ABCA7: variants seen among roughly 807,000 people sequenced by gnomAD.
The protein encoded by ABCA7 is phospholipid-transporting ATPase ABCA7.
A neutral mutation model predicts 227.6 loss-of-function variants in ABCA7; 261 were observed. That is an observed-to-expected ratio of 1.15 (90% CI 1.04 to 1.27). The LOEUF (loss-of-function observed/expected upper bound fraction) is 1.27, where lower values mean the gene tolerates loss of function less well. Among genes scored for constraint, ABCA7 ranks in the 50% most tolerant of loss-of-function variants. The probability of loss-of-function intolerance (pLI) is 0.00; values close to 1 mark genes in which losing one functional copy is unlikely to be tolerated. For synonymous variants in ABCA7, 1,488 were observed against 1,279.7 expected (o/e 1.16, Z -3.47); for missense variants, 3,331 against 2,924.5 (o/e 1.14, Z -3.21).
Position 1,056,313 on chromosome 19 carries a change from C to A in ABCA7, c.4417-17C>A, listed in dbSNP as rs377415053. Reference sequence around the variant, plus strand: ...CAACCCCATTGCTCTGACCCTATGACCTTGACCCCCACCCAGATCTGGTTC... The same window carrying A: ...CAACCCCATTGCTCTGACCCTATGAACTTGACCCCCACCCAGATCTGGTTC... On this transcript the variant is annotated splice_polypyrimidine_tract_variant and intron_variant, in intron 32 of 46. Transcript: ENST00000263094. The surrounding 1 kb of genome is among the most constrained non-coding windows in gnomAD (Gnocchi z 4.3). The A allele has an allele frequency of 1.4e-5, 23 of 1,610,956 alleles. No homozygotes were observed. In the African/African-American group the frequency reaches 2.7e-4, roughly 19 times the overall value.
chr19:1,045,280 A>G (rs769320393), intron 12 of ABCA7, 49 bp downstream of exon 12: 6 of 1,504,646 alleles, frequency 4.0e-6, no homozygotes, highest in South Asian at 3.6e-5. Flanking sequence ...CGGGGCCAAG[A>G]GCGTGGTGGG....
At position 1,047,224 on chromosome 19, in the gene ABCA7, C is replaced by T; in HGVS notation, c.1913C>T (p.Ala638Val). The change falls in exon 15 of 47, where the codon GCC becomes GTC. Residue 638 changes from alanine to valine, a missense_variant. Coordinates refer to ENST00000263094, the MANE Select transcript of ABCA7 (RefSeq NM_019112.4). The part of the protein sequence containing the change: ...VFLFLAAFAV[A>V]TVTQSFLLSA... ...CTGTTCTTGGCAGCCTTCGCGGTGG[C>T]CACGGTGACCCAGAGCTTCCTGCTC... is the stretch of plus-strand genomic sequence containing the variant. 6.2e-7 allele frequency: 1 copy of T among 1,608,492 alleles called. No homozygotes were observed. The highest frequency in any genetic ancestry group is 8.5e-7 in the Non-Finnish European group (1 of 1,179,388).
chr19:1,056,025 C>G lies in ABCA7; in HGVS notation c.4239-41C>G. ...CCCCCTGGGAGCTCTCCCGGCCCCCCCGGCCCTCAGCTCCCCTTCCCTGCC... is the reference window on the plus strand; with the variant it reads ...CCCCCTGGGAGCTCTCCCGGCCCCCGCGGCCCTCAGCTCCCCTTCCCTGCC... On this transcript the variant is annotated intron_variant, in intron 31 of 46. Coordinates refer to ENST00000263094, the MANE Select transcript of ABCA7 (RefSeq NM_019112.4). The surrounding 1 kb of genome is among the most constrained non-coding windows in gnomAD (Gnocchi z 4.3). 6.4e-7 allele frequency: 1 copy of G among 1,560,022 alleles called. No homozygotes were observed. The highest frequency in any genetic ancestry group is 8.7e-7 in the Non-Finnish European group (1 of 1,149,548).
chr19:1,049,442 G>GC lies in ABCA7; in HGVS notation c.2552+10dup, dbSNP rs541045845. On this transcript the variant is annotated splice_donor_region_variant and intron_variant, in intron 18 of 46. Coordinates refer to ENST00000263094, the MANE Select transcript of ABCA7 (RefSeq NM_019112.4). The stretch of plus-strand genomic sequence containing the variant: ...GGCCGGCAAGACCACCACCCTGTGA[G>GC]CCCCCAACCACTCCCTCCCCGTGAG... 31 of 1,580,680 alleles carry GC rather than the reference G, an allele frequency of 2.0e-5. No homozygotes were observed. The African/African-American group carries it at 2.4e-4, about 12-fold the overall frequency.
chr19:1,062,148 A>C (rs1222942222), intron 41 of ABCA7, 24 bp from the exon 42 acceptor site: 1 of 1,609,400 alleles, frequency 6.2e-7, no homozygotes, highest in East Asian at 2.2e-5. Flanking sequence ...CAGCTCTCTG[A>C]GCCCCCGGCG....
intron 9 of ABCA7, 124 bp from the exon 10 acceptor site, chr19:1,043,601 T>C (rs2040279030): frequency 6.4e-7 from 1 of 1,553,992 alleles, no homozygotes; most frequent in East Asian, 2.3e-5. Flanking sequence ...AGTTAGCCGA[T>C]GGAGGGGGAT....
At position 1,063,560 on chromosome 19, in the gene ABCA7, TG is replaced by T; in HGVS notation, c.5731del (p.Ala1911ArgfsTer68). The T allele has an allele frequency of 6.2e-7, 1 of 1,610,756 alleles. No individual in the cohort carries two copies. Among genetic ancestry groups the T allele is most frequent in the African/African-American group, 1.3e-5 (1 of 75,052 alleles). On this transcript the variant is annotated frameshift_variant, in exon 43 of 47. Coordinates refer to ENST00000263094, the MANE Select transcript of ABCA7 (RefSeq NM_019112.4). LOFTEE classifies it high-confidence loss of function. ...ACCCCACAGACCGCTGGCTCGGGCCTGGCGCGTCTGGGACTCTCATGGTACG... is the reference window on the plus strand; with the variant it reads ...ACCCCACAGACCGCTGGCTCGGGCCTGCGCGTCTGGGACTCTCATGGTACG... ...AQVAQTAGSG[L>X]ARLGLSWYAD... is the part of the protein sequence containing the mutation.
Position 1,041,913 on chromosome 19 carries a change from C to T in ABCA7, c.243C>T (p.Cys81=). 1 of 1,601,062 alleles carries T rather than the reference C, an allele frequency of 6.2e-7. No homozygotes were observed. The highest frequency in any genetic ancestry group is 2.2e-5 in the East Asian group (1 of 44,846). ...TCATCTGTAATGTGAACAACACCTG[C>T]TTTCCGCAGCTGACACCGGGCGAGG... The part of the protein sequence containing the change: ...QGLICNVNNT[C]FPQLTPGEEP... Residue 81 remains cysteine, a synonymous_variant, in exon 4 of 47, where the codon TGC becomes TGT. Transcript: ENST00000263094.
chr19:1,054,169 C>T lies in ABCA7; in HGVS notation c.3578-24C>T. The T allele has an allele frequency of 6.2e-7, 1 of 1,611,458 alleles. No homozygotes were observed. On this transcript the variant is annotated intron_variant, in intron 26 of 46. Transcript: ENST00000263094. This position sits in a 1 kb window ranked among gnomAD's most constrained non-coding sequence, Gnocchi z 4.8. ...AGCCACCCCCCCACAGCAGCGTGAG[C>T]ACTGACCCTCTCATCCCTCACAGCT...
In ABCA7 at chr19:1,063,755, C is replaced by G. The variant is rs769365292; in HGVS notation, c.5848-5C>G. 17 of 1,547,580 alleles carry G rather than the reference C, an allele frequency of 1.1e-5. No homozygotes were observed. The African/African-American group carries it at 2.3e-4, about 21-fold the overall frequency. Reference sequence around the variant, plus strand: ...CTTGCTTATGGGATCTTCCGTGCTCCCCAGGACGAGCCGACCACAGGCATG... The same window carrying G: ...CTTGCTTATGGGATCTTCCGTGCTCGCCAGGACGAGCCGACCACAGGCATG... On this transcript the variant is annotated splice_region_variant and splice_polypyrimidine_tract_variant and intron_variant, in intron 43 of 46. Transcript: ENST00000263094.
intron 17 of ABCA7, 113 bp from the exon 18 acceptor site, chr19:1,049,153 G>T: frequency 1.5e-6 from 2 of 1,313,542 alleles, no homozygotes; most frequent in Non-Finnish European, 2.1e-6. Context: ...AGCTCCCGCA[G>T]CTTTTATAGG....
chr19:1,051,206 T>G lies in ABCA7; in HGVS notation c.2736T>G (p.Ser912Arg), dbSNP rs1599641995. Residue 912 changes from serine (S) to arginine (R), a missense_variant, in exon 20 of 47, where the codon AGT (serine) becomes AGG (arginine). Transcript: ENST00000263094. The stretch of plus-strand genomic sequence containing the variant: ...TCTATGGGCGGCTGAAGGGTCTGAG[T>G]GCCGCTGTAGTGGGCCCCGAGCAGG... The part of the protein sequence containing the change: ...VWFYGRLKGL[S>R]AAVVGPEQDR... The G allele has an allele frequency of 6.2e-7, 1 of 1,611,250 alleles. No homozygotes were observed. The highest frequency in any genetic ancestry group is 8.5e-7 in the Non-Finnish European group (1 of 1,179,890).
Position 1,058,631 on chromosome 19 carries a change from CCA to C in ABCA7, c.5164_5165del (p.Gln1722ValfsTer57). 1 of 1,613,840 alleles carries C rather than the reference CCA, an allele frequency of 6.2e-7. No homozygotes were observed. Among genetic ancestry groups the C allele is most frequent in the Non-Finnish European group, 8.5e-7 (1 of 1,179,982 alleles). ...AFERLGDRQF[Q>X]SPLRWEVVGK... is the part of the protein sequence containing the mutation. Reference sequence around the variant, plus strand: ...CTATATCCACAGGAGACAGGCAGTTCCAGTCACCCCTGCGCTGGGAGGTGGTC... The same window carrying C: ...CTATATCCACAGGAGACAGGCAGTTCGTCACCCCTGCGCTGGGAGGTGGTC... On this transcript the variant is annotated frameshift_variant, in exon 38 of 47. Transcript: ENST00000263094. LOFTEE classifies it high-confidence loss of function.
chr19:1,064,329 T>A, intron 45 of ABCA7, 76 bp downstream of exon 45: 1 of 1,414,152 alleles, frequency 7.1e-7, no homozygotes, highest in Non-Finnish European at 9.4e-7. Context: ...AGGCCAGACG[T>A]AGAGCCGGGT....
chr19:1,044,766 G>C, intron 11 of ABCA7, 22 bp downstream of exon 11: 1 of 1,577,822 alleles, frequency 6.3e-7, no homozygotes, highest in Non-Finnish European at 8.6e-7. Flanking sequence ...TCCACCTGCG[G>C]GGTCTGTTTC....
At position 1,042,333 on chromosome 19, in the gene ABCA7, A is replaced by G; in HGVS notation, c.434A>G (p.Lys145Arg). ...ARSTAQPQPTKQSPLEPPMLD... is the reference protein window; with the variant it reads ...ARSTAQPQPTRQSPLEPPMLD... ...CCCCCAGCCCAGCCTCAACCAACCA[A>G]GCAGTCTCCACTGGAACCACCCATG... is the stretch of plus-strand genomic sequence containing the variant. Residue 145 changes from lysine (K) to arginine (R), a missense_variant, in exon 6 of 47, where the codon AAG becomes AGG. Transcript: ENST00000263094. 1 of 1,583,762 alleles carries G rather than the reference A, an allele frequency of 6.3e-7. No individual in the cohort carries two copies.
chr19:1,049,467 G>A lies in ABCA7; in HGVS notation c.2552+30G>A, dbSNP rs761010770. The A allele has an allele frequency of 1.3e-4, 160 of 1,255,598 alleles. 5 individuals are homozygous for A. Among genetic ancestry groups the A allele is most frequent in the African/African-American group, 3.8e-4 (13 of 33,902 alleles). The allele number at this position is 1,255,598 out of a possible 1,614,324, so 77.8% of individuals were successfully genotyped here. On this transcript the variant is annotated intron_variant, in intron 18 of 46. Transcript: ENST00000263094. ...GCCCCCAACCACTCCCTCCCCGTGAGCCCCCCCACTCCCACCCCGTGAGCC... is the reference window on the plus strand; with the variant it reads ...GCCCCCAACCACTCCCTCCCCGTGAACCCCCCCACTCCCACCCCGTGAGCC...
chr19:1,058,666 A>C lies in ABCA7; in HGVS notation c.5198A>C (p.Asn1733Thr). 2 of 1,613,754 alleles carry C rather than the reference A, an allele frequency of 1.2e-6. No individual in the cohort carries two copies. Among genetic ancestry groups the C allele is most frequent in the East Asian group, 4.5e-5 (2 of 44,854 alleles). The change falls in exon 38 of 47, where the codon AAC becomes ACC. Residue 1733 changes from asparagine (N) to threonine (T), a missense_variant. Transcript: ENST00000263094. Reference sequence around the variant, plus strand: ...CTGCGCTGGGAGGTGGTCGGCAAGAACCTCTTGGCCATGGTGATACAGGGG... The same window carrying C: ...CTGCGCTGGGAGGTGGTCGGCAAGACCCTCTTGGCCATGGTGATACAGGGG... ...SPLRWEVVGK[N>T]LLAMVIQGPL...
intron 40 of ABCA7, among the ~76,000 whole-genome samples, chr19:1,060,694 A>G (rs1454323099): frequency 6.6e-6 from 1 of 151,708 alleles, no homozygotes; most frequent in East Asian, 1.9e-4. Context: ...TAATTTTTGT[A>G]TTTTTAGTAG....
Sources: gnomAD v4.1 joint callset for allele counts (sites outside exome capture counted in the v4.1 genomes callset) on GRCh38, gnomAD v4.1.1 for gene constraint, Gnocchi (gnomAD v3.1) non-coding constraint, MANE v1.5 for transcripts, NCBI Gene and HGNC (gene_info 2026-07-23, HGNC 2026-07-21) for gene names.